Variants in GRM5 observed in about 807,000 individuals in gnomAD.
The protein encoded by GRM5 is metabotropic glutamate receptor 5.
GRM5 carries 19 observed loss-of-function variants against 83.1 expected under a neutral mutation model. The ratio of observed to expected loss-of-function variants is 0.23; its 90% CI spans 0.16 to 0.34. The LOEUF (loss-of-function observed/expected upper bound fraction) is 0.34. GRM5 is among the 10% of genes least tolerant of loss of function. The pLI, the probability that GRM5 is intolerant of heterozygous loss-of-function variation, is 1.00. For missense variants in GRM5, 1,160 were observed against 1,588.3 expected, an observed-to-expected ratio of 0.73 and a Z score of 4.58; for synonymous variants, 675 against 633.6, an observed-to-expected ratio of 1.07 and a Z score of -0.98.
At chr11:88,802,274 T>C (rs1045380845) in intron 3 of GRM5, among the ~76,000 whole-genome samples, 2 of 152,052 alleles carry the variant, frequency 1.3e-5, no homozygotes, top group African/African-American at 4.8e-5. Context: ...AGCAAAGACA[T>C]AGAATCAACC....
At chr11:88,744,649 G>A (rs1159635234) in intron 3 of GRM5, among the ~76,000 whole-genome samples, 3 of 152,080 alleles carry the variant, frequency 2.0e-5, no homozygotes. Context: ...AGCAGAAATG[G>A]TAGGGCGTGT....
At chr11:88,816,201 C>A (rs1301379852) in intron 3 of GRM5, among the ~76,000 whole-genome samples, 1 of 104,840 alleles carries the variant, frequency 9.5e-6, no homozygotes, top group East Asian at 2.8e-4. Flanking sequence ...GCCTGGGCGA[C>A]AGAGCGAGAC....
intron 4 of GRM5, among the ~76,000 whole-genome samples, chr11:88,622,580 A>G (rs992319057): frequency 3.9e-5 from 6 of 152,130 alleles, no homozygotes; most frequent in Admixed American, 2.6e-4. Flanking sequence ...CAGGAGCTGC[A>G]TGCTGGAGGG....
chr11:88,983,689 T>C (rs968525348), intron 2 of GRM5, among the ~76,000 whole-genome samples: 1 of 152,184 alleles, frequency 6.6e-6, no homozygotes, highest in African/African-American at 2.4e-5. Context: ...ATACTTTTTA[T>C]CATTATTTTA....
At chr11:88,520,412 C>A (rs1941649279) in intron 9 of GRM5, among the ~76,000 whole-genome samples, 1 of 152,172 alleles carries the variant, frequency 6.6e-6, no homozygotes. Context: ...ACATGCCTTA[C>A]ACTTTCTGAA....
intron 3 of GRM5, among the ~76,000 whole-genome samples, chr11:88,845,817 C>T (rs931739268): frequency 2.0e-5 from 3 of 151,778 alleles, no homozygotes; most frequent in East Asian, 1.9e-4. Context: ...TGAAATCAAA[C>T]GCACATTTTC....
chr11:88,641,367 G>T (rs914133893), intron 4 of GRM5, among the ~76,000 whole-genome samples: 3 of 151,370 alleles, frequency 2.0e-5, no homozygotes, highest in Non-Finnish European at 4.4e-5. Flanking sequence ...ATGAGATTTA[G>T]AGAGGACACA....
intron 3 of GRM5, among the ~76,000 whole-genome samples, chr11:88,819,088 T>C (rs1467210945): frequency 6.6e-6 from 1 of 152,204 alleles, no homozygotes; most frequent in Admixed American, 6.5e-5. Flanking sequence ...TTTTCAAGAC[T>C]TCATACAAAT....
At chr11:88,862,561 T>C (rs1944583819) in intron 2 of GRM5, among the ~76,000 whole-genome samples, 1 of 152,184 alleles carries the variant, frequency 6.6e-6, no homozygotes, top group Non-Finnish European at 1.5e-5. Flanking sequence ...ACTCTAATTA[T>C]AAAATTTAAT....
chr11:88,733,302 ATATATCATCCTC>A (rs1229450854), intron 3 of GRM5, among the ~76,000 whole-genome samples: 1 of 152,170 alleles, frequency 6.6e-6, no homozygotes, highest in African/African-American at 2.4e-5. Context: ...AACTTAAAAT[ATATATCATCCTC>A]TAATCTGTTT....
intron 3 of GRM5, among the ~76,000 whole-genome samples, chr11:88,771,928 G>C (rs118176007): frequency 5.9e-5 from 9 of 151,998 alleles, no homozygotes; most frequent in African/African-American, 1.7e-4. Flanking sequence ...TTGTCTTTTT[G>C]AGAATGTCAT....
rs1302818795 is a variant in GRM5 at position 88,577,785 on chromosome 11, T to C, written c.1691-9793A>G. ...ACAGCCAAAATGCAAAAGTCAGATA[T>C]GCAGAGGAAAAAACTCTACAGCATA... is the stretch of plus-strand genomic sequence containing the variant. On this transcript the variant is annotated intron_variant, in intron 7 of 9. Transcript: ENST00000305447. Among the ~76,000 whole-genome samples, 6 of 152,206 alleles carry C rather than the reference T, an allele frequency of 3.9e-5. No individual in the cohort carries two copies. In the East Asian group the frequency reaches 5.8e-4, roughly 15 times the overall value.
At chr11:88,966,290 A>T (rs1672014258) in intron 2 of GRM5, among the ~76,000 whole-genome samples, 1 of 152,108 alleles carries the variant, frequency 6.6e-6, no homozygotes, top group East Asian at 1.9e-4. Context: ...AAAGACCTTA[A>T]ATCAATACTC....
chr11:88,609,528 C>G (rs1938259196), intron 4 of GRM5, among the ~76,000 whole-genome samples: 1 of 152,088 alleles, frequency 6.6e-6, no homozygotes, highest in Admixed American at 6.6e-5. Context: ...CTTGGGTATA[C>G]ACTCAGTAGT....
intron 2 of GRM5, among the ~76,000 whole-genome samples, chr11:88,985,165 A>G (rs1939663701): frequency 1.3e-5 from 2 of 152,230 alleles, no homozygotes; most frequent in African/African-American, 2.4e-5. Context: ...TGGTTGCAGT[A>G]TCATCATTTC....
At chr11:88,928,099 G>A (rs867884326) in intron 2 of GRM5, among the ~76,000 whole-genome samples, 10 of 152,094 alleles carry the variant, frequency 6.6e-5, no homozygotes, top group Middle Eastern at 3.4e-3. Flanking sequence ...TATGTGCAGC[G>A]TTTCACATGG....
Position 88,508,352 on chromosome 11 carries a change from C to T in GRM5, c.*240G>A, listed in dbSNP as rs200308812. 6 of 433,436 alleles carry T rather than the reference C, an allele frequency of 1.4e-5. No homozygotes were observed. Among genetic ancestry groups the T allele is most frequent in the African/African-American group, 2.1e-5 (1 of 47,814 alleles). The allele number at this position is 433,436 out of a possible 1,614,324, so 26.8% of individuals were successfully genotyped here. ...CTTGTCAGCCCTCAAAGATATCAGCCGTGTTTCTTAAAAGCCCATGTTTTC... is the reference window on the plus strand; with the variant it reads ...CTTGTCAGCCCTCAAAGATATCAGCTGTGTTTCTTAAAAGCCCATGTTTTC... On this transcript the variant is annotated 3_prime_UTR_variant, in exon 10 of 10. Transcript: ENST00000305447. This position sits in a 1 kb window ranked among gnomAD's most constrained non-coding sequence, Gnocchi z 4.2.
At chr11:88,975,439 T>G in intron 2 of GRM5, among the ~76,000 whole-genome samples, 1 of 152,322 alleles carries the variant, frequency 6.6e-6, no homozygotes, top group East Asian at 1.9e-4. Flanking sequence ...CCAGATATTC[T>G]AATTCAAGGG....
chr11:88,697,089 G>A (rs1940922475), intron 3 of GRM5, among the ~76,000 whole-genome samples: 3 of 152,198 alleles, frequency 2.0e-5, no homozygotes, highest in Admixed American at 2.0e-4. Context: ...ACAGTATGTA[G>A]TGTATATAAT....
Sources: gnomAD v4.1 joint callset for allele counts (sites outside exome capture counted in the v4.1 genomes callset) on GRCh38, gnomAD v4.1.1 for gene constraint, Gnocchi (gnomAD v3.1) non-coding constraint, MANE v1.5 for transcripts, NCBI Gene and HGNC (gene_info 2026-07-23, HGNC 2026-07-21) for gene names.